ADAM19: variants seen among roughly 807,000 people sequenced by gnomAD.
The protein encoded by ADAM19 is disintegrin and metalloproteinase domain-containing protein 19.
In ADAM19, 65 loss-of-function variants were observed where a neutral mutation model predicts 114.7. The observed-to-expected ratio is 0.57, with a 90% CI of 0.46 to 0.70. The LOEUF (loss-of-function observed/expected upper bound fraction) is 0.70. ADAM19 is among the 30% of genes least tolerant of loss of function. The probability of loss-of-function intolerance (pLI) is 0.00; values close to 1 mark genes in which losing one functional copy is unlikely to be tolerated. For synonymous variants in ADAM19, 466 were observed against 460.5 expected, an observed-to-expected ratio of 1.01 and a Z score of -0.15; for missense variants, 1,063 against 1,204.7, an observed-to-expected ratio of 0.88 and a Z score of 1.74.
chr5:157,488,655 G>A (rs1328101339), intron 20 of ADAM19, among the ~76,000 whole-genome samples, 166 bp from the exon 21 acceptor site: 3 of 152,168 alleles, frequency 2.0e-5, no homozygotes, highest in African/African-American at 7.2e-5. Context: ...ATTAGGGGAT[G>A]TCAGAACCAA....
intron 21 of ADAM19, among the ~76,000 whole-genome samples, chr5:157,486,781 T>C (rs368006650): frequency 4.5e-4 from 68 of 151,896 alleles, no homozygotes; most frequent in Middle Eastern, 6.8e-3. Flanking sequence ...GACTGAACTG[T>C]GCACTCATCA....
intron 4 of ADAM19, among the ~76,000 whole-genome samples, chr5:157,536,043 A>T (rs1291844224): frequency 1.3e-5 from 2 of 152,224 alleles, no homozygotes; most frequent in African/African-American, 4.8e-5. Flanking sequence ...CTCCCTGGGG[A>T]TGAGAAGACA....
chr5:157,534,616 T>A (rs572926979), intron 4 of ADAM19, among the ~76,000 whole-genome samples: 1 of 152,190 alleles, frequency 6.6e-6, no homozygotes, highest in South Asian at 2.1e-4. Flanking sequence ...TATGATCATG[T>A]CACTGCACTC....
At chr5:157,554,373 C>A (rs1262116756) in intron 3 of ADAM19, among the ~76,000 whole-genome samples, 1 of 152,252 alleles carries the variant, frequency 6.6e-6, no homozygotes, top group African/African-American at 2.4e-5. Flanking sequence ...CGTGGACATC[C>A]TTCCTGGCTG....
rs116639861 is a variant in ADAM19, at chr5:157,528,089, G to A, written c.407+2718C>T. ...CAGTGCTTTATGAGCTTTGGGAGGC[G>A]CCTAGTGTTTTGACGACATGGGTTT... On this transcript the variant is annotated intron_variant, in intron 5 of 22. Transcript: ENST00000257527. 5.7e-3 allele frequency among the ~76,000 whole-genome samples: 866 copies of A among 152,266 alleles called. 4 individuals are homozygous for A. Among genetic ancestry groups the A allele is most frequent in the African/African-American group, 0.02 (817 of 41,532 alleles).
In ADAM19 at chr5:157,555,348, T is replaced by A. The variant is rs76385638; in HGVS notation, c.251+9025A>T. ...TTAGCTATCACCATTTGTTAATATG[T>A]GACAATCATTCCTAGTTATCCTCAG... On this transcript the variant is annotated intron_variant, in intron 3 of 22. Transcript: ENST00000257527. Among the ~76,000 whole-genome samples, 681 of 152,332 alleles carry A rather than the reference T, an allele frequency of 4.5e-3. 19 individuals are homozygous for A. The East Asian group carries it at 0.092, about 21-fold the overall frequency.
Position 157,478,842 on chromosome 5 carries a change from G to A in ADAM19, c.*2107C>T, listed in dbSNP as rs549980162. ...TGGTTCCAGGGAGGGTGGACTGCAG[G>A]TTCAGATGGCTCATGCAGTCACTAT... On this transcript the variant is annotated 3_prime_UTR_variant, in exon 23 of 23. Transcript: ENST00000257527. 14 of 985,816 alleles carry A rather than the reference G, an allele frequency of 1.4e-5. No individual in the cohort carries two copies. The East Asian group carries it at 1.2e-3, about 88-fold the overall frequency. 61.1% of individuals were successfully genotyped at this position (985,816 alleles called of 1,614,324 possible).
rs1235245707 is a variant in ADAM19 at position 157,480,849 on chromosome 5, G to T, written c.*100C>A. 4 of 1,583,212 alleles carry T rather than the reference G, an allele frequency of 2.5e-6. No homozygotes were observed. Among genetic ancestry groups the T allele is most frequent in the Non-Finnish European group, 3.4e-6 (4 of 1,165,898 alleles). ...AGGTTCCTGGAGGAGGGTGGGAGGA[G>T]CTCAGAGGCGGCCAGACATGCTTCT... On this transcript the variant is annotated 3_prime_UTR_variant, in exon 23 of 23. Coordinates refer to ENST00000257527, the MANE Select transcript of ADAM19 (RefSeq NM_033274.5).
At chr5:157,505,430 A>G (rs577074316) in intron 11 of ADAM19, among the ~76,000 whole-genome samples, 3 of 152,358 alleles carry the variant, frequency 2.0e-5, no homozygotes, top group Admixed American at 1.3e-4. Context: ...CAACACCTTA[A>G]AACAGAAATT....
intron 3 of ADAM19, among the ~76,000 whole-genome samples, chr5:157,561,230 C>T (rs1757500785): frequency 1.3e-5 from 2 of 152,208 alleles, no homozygotes; most frequent in Non-Finnish European, 2.9e-5. Flanking sequence ...TGTAGGACAC[C>T]TCAGTGTGTC....
intron 20 of ADAM19, among the ~76,000 whole-genome samples, chr5:157,488,803 G>A (rs974659941): frequency 4.6e-5 from 7 of 152,124 alleles, no homozygotes; most frequent in Non-Finnish European, 8.8e-5. Context: ...AGGCCGAGGC[G>A]GGTGGATCAC....
At chr5:157,516,679 T>G (rs1756098947) in intron 7 of ADAM19, among the ~76,000 whole-genome samples, 1 of 152,012 alleles carries the variant, frequency 6.6e-6, no homozygotes, top group Non-Finnish European at 1.5e-5. Context: ...CTGAAAAAAA[T>G]GACTCAAGAC....
At chr5:157,569,682 T>C (rs900097127) in intron 2 of ADAM19, among the ~76,000 whole-genome samples, 1 of 152,156 alleles carries the variant, frequency 6.6e-6, no homozygotes, top group African/African-American at 2.4e-5. Context: ...CATTTATCTT[T>C]CCAGATTCAA....
chr5:157,501,626 C>T (rs565557182), intron 12 of ADAM19, among the ~76,000 whole-genome samples: 1 of 152,312 alleles, frequency 6.6e-6, no homozygotes, highest in South Asian at 2.1e-4. Flanking sequence ...CATGTTCATA[C>T]CACTCCCTCC....
intron 11 of ADAM19, 65 bp downstream of exon 11, chr5:157,505,604 C>T: frequency 6.5e-7 from 1 of 1,543,456 alleles, no homozygotes; most frequent in Non-Finnish European, 8.8e-7. Context: ...GGGAGGAACC[C>T]CTGGGTCACA....
rs1756932271 is a variant in ADAM19 at position 157,542,029 on chromosome 5, C to A, written c.252-4038G>T. Among the ~76,000 whole-genome samples, 3 of 152,298 alleles carry A rather than the reference C, an allele frequency of 2.0e-5. No individual in the cohort carries two copies. In the South Asian group the frequency reaches 6.2e-4, roughly 32 times the overall value. ...CTCCTTTCTCTGGGCCTTTCTCTAT[C>A]TAATTCTTCCAAGAGTCTCCAGGCA... On this transcript the variant is annotated intron_variant, in intron 3 of 22. Transcript: ENST00000257527.
intron 12 of ADAM19, among the ~76,000 whole-genome samples, chr5:157,500,138 G>C (rs1755513868): frequency 6.6e-6 from 1 of 152,040 alleles, no homozygotes; most frequent in African/African-American, 2.4e-5. Context: ...ATGTGTACTT[G>C]TCACAAGAAC....
In ADAM19 at chr5:157,513,443, A is replaced by G. The variant is rs1333626269; in HGVS notation, c.729T>C (p.Tyr243=). Residue 243 remains tyrosine, a synonymous_variant, in exon 8 of 23, where the codon TAT becomes TAC. Transcript: ENST00000257527. ...ACACACCTGGTCTCACCTTATCAAC[A>G]TAGTTGGCGATCTCTATGAGCTTGT... The part of the protein sequence containing the change: ...TKHKLIEIAN[Y]VDKFYRSLNI... The G allele has an allele frequency of 1.2e-6, 2 of 1,613,830 alleles. No homozygotes were observed. The highest frequency in any genetic ancestry group is 2.2e-5 in the South Asian group (2 of 91,068).
chr5:157,498,725 T>G (rs2113709556), intron 13 of ADAM19, among the ~76,000 whole-genome samples: 1 of 150,258 alleles, frequency 6.7e-6, no homozygotes, highest in African/African-American at 2.4e-5. Flanking sequence ...TATGGATAAT[T>G]ACATATGTCC....
Sources: gnomAD v4.1 joint callset for allele counts (sites outside exome capture counted in the v4.1 genomes callset) on GRCh38, gnomAD v4.1.1 for gene constraint, MANE v1.5 for transcripts, NCBI Gene and HGNC (gene_info 2026-07-23, HGNC 2026-07-21) for gene names.